ABCA2: variants seen among roughly 807,000 people sequenced by gnomAD.
The protein encoded by ABCA2 is ATP-binding cassette sub-family A member 2.
A neutral mutation model predicts 262.8 loss-of-function variants in ABCA2; 84 were observed. The observed-to-expected ratio is 0.32, with a 90% CI of 0.27 to 0.38. ABCA2 has a LOEUF of 0.38. Among genes scored for constraint, ABCA2 ranks in the 10% least tolerant of loss-of-function variants. The pLI is 1.00. For synonymous variants in ABCA2, 1,696 were observed against 1,502.9 expected (o/e 1.13, Z -2.97); for missense variants, 2,662 against 3,405.9 (o/e 0.78, Z 5.44).
In ABCA2 at chr9:137,014,409, C is replaced by A. The variant is rs776541559; in HGVS notation, c.4004-5G>T. On this transcript the variant is annotated splice_polypyrimidine_tract_variant and splice_region_variant and intron_variant, in intron 26 of 48. Coordinates refer to ENST00000341511, the MANE Select transcript of ABCA2 (RefSeq NM_001606.5). The stretch of plus-strand genomic sequence containing the variant: ...CCTTCCTGGACTCCTTCACATCTGC[C>A]GCAGTGGAAGGGCCGAGGGGACACT... 5.7e-6 allele frequency: 9 copies of A among 1,583,098 alleles called. 1 individual carries two copies. In the South Asian group the frequency reaches 1.0e-4, roughly 18 times the overall value.
chr9:137,022,581 C>G, intron 5 of ABCA2, 103 bp from the exon 6 acceptor site: 3 of 1,557,706 alleles, frequency 1.9e-6, no homozygotes, highest in Non-Finnish European at 8.7e-7. Context: ...GCCACTGCAG[C>G]CTGTGCGTGG....
At chr9:137,009,727 G>A (rs201527414) in intron 43 of ABCA2, 42 bp downstream of exon 43, 1 of 1,609,088 alleles carries the variant, frequency 6.2e-7, no homozygotes. Flanking sequence ...TCACCAGGAA[G>A]TCAAAGGCCA....
chr9:137,011,102 T>C lies in ABCA2; in HGVS notation c.5927A>G (p.Gln1976Arg), dbSNP rs1831024527. 2.5e-6 allele frequency: 4 copies of C among 1,611,906 alleles called. No homozygotes were observed. The highest frequency in any genetic ancestry group is 3.4e-6 in the Non-Finnish European group (4 of 1,179,664). Residue 1976 changes from glutamine to arginine, a missense_variant, in exon 39 of 49, where the codon CAG becomes CGG. Gln to Arg is a conservative substitution (Grantham distance 43). Around this residue, in one of 12 missense-constraint regions of ABCA2, gnomAD observed 602 missense variants for 897.4 expected, o/e 0.67. Coordinates refer to ENST00000341511, the MANE Select transcript of ABCA2 (RefSeq NM_001606.5). This position sits in a 1 kb window ranked among gnomAD's most constrained non-coding sequence, Gnocchi z 8.8. ...GAACGGGGACTTCATCTTGTCAAAC[T>C]GGCCTGCGGGGAGACAGCTCAGGGC... ...YINEYYAKIG[Q>R]FDKMKSPFEW... is the part of the protein sequence containing the mutation.
chr9:137,013,971 C>A lies in ABCA2; in HGVS notation c.4308G>T (p.Lys1436Asn). 1 of 1,612,282 alleles carries A rather than the reference C, an allele frequency of 6.2e-7. No individual in the cohort carries two copies. The highest frequency in any genetic ancestry group is 8.5e-7 in the Non-Finnish European group (1 of 1,179,902). ...GSRKLDGGWL[K>N]VRQFHGLLVK... ...CCAGCAGCCCGTGGAACTGGCGCACCTTCAGCCACCCGCCGTCCAGCTTGC... is the reference window on the plus strand; with the variant it reads ...CCAGCAGCCCGTGGAACTGGCGCACATTCAGCCACCCGCCGTCCAGCTTGC... The change falls in exon 28 of 49, where the codon AAG (lysine) becomes AAT (asparagine). Residue 1436 changes from lysine (K) to asparagine (N), a missense_variant. This residue lies in a region of ABCA2 where 75 missense variants were observed against 118.3 expected (regional missense o/e 0.63). Transcript: ENST00000341511.
In ABCA2 at chr9:137,019,056, C is replaced by T. The variant is rs1262390935; in HGVS notation, c.1569G>A (p.Leu523=). The change falls in exon 12 of 49, where the codon CTG becomes CTA. Residue 523 remains leucine, a synonymous_variant. Coordinates refer to ENST00000341511, the MANE Select transcript of ABCA2 (RefSeq NM_001606.5). This position sits in a 1 kb window ranked among gnomAD's most constrained non-coding sequence, Gnocchi z 4.4. The part of the protein sequence containing the change: ...LRWLQQYVAE[L]RLHPEALNLS... ...GGTTCAGTGCCTCGGGGTGCAGCCG[C>T]AGCTCTGCTACATACTTGGGGTGGA... 1 of 1,611,430 alleles carries T rather than the reference C, an allele frequency of 6.2e-7. No homozygotes were observed. The highest frequency in any genetic ancestry group is 1.1e-5 in the South Asian group (1 of 91,016).
rs762992649 is a variant in ABCA2, at chr9:137,012,531, C to T, written c.5141G>A (p.Arg1714Lys). Residue 1714 changes from arginine to lysine, a missense_variant, in exon 32 of 49, where the codon AGG (arginine) becomes AAG (lysine). Transcript: ENST00000341511. The stretch of plus-strand genomic sequence containing the variant: ...GATCTTCCGCACCATGGGTGGGGCC[C>T]TGGTGCCAAATGAGGCTGGGATGGA... ...LKSIPASFGT[R>K]APPMVRKIAV... 3 of 1,612,126 alleles carry T rather than the reference C, an allele frequency of 1.9e-6. No homozygotes were observed. The highest frequency in any genetic ancestry group is 1.3e-5 in the African/African-American group (1 of 75,054).
In ABCA2 at chr9:137,017,184, C is replaced by T. The variant is rs201121780; in HGVS notation, c.2553+12G>A. 164 of 1,611,928 alleles carry T rather than the reference C, an allele frequency of 1.0e-4. No homozygotes were observed. The highest frequency in any genetic ancestry group is 1.6e-4 in the African/African-American group (12 of 74,882). On this transcript the variant is annotated intron_variant, in intron 18 of 48. Coordinates refer to ENST00000341511, the MANE Select transcript of ABCA2 (RefSeq NM_001606.5). ...CCGGCACCCCAGCCGCCCGCCTGCC[C>T]GCGACCCTCACCGCGATGCACTTCT...
At chr9:137,009,283 C>T (rs1283374213) in intron 45 of ABCA2, 87 bp downstream of exon 45, 29 of 1,271,938 alleles carry the variant, frequency 2.3e-5, no homozygotes, top group Non-Finnish European at 6.4e-6. Context: ...CCCTCACAGC[C>T]CTGCAGCCAC....
Position 137,012,262 on chromosome 9 carries a change from C to G in ABCA2, c.5299+3G>C. ...CCGCCCCGCCCTGCCTATGTCAGCT[C>G]ACCGTAAGCCGCCGGGTTGCCCTTG... On this transcript the variant is annotated splice_donor_region_variant and intron_variant, in intron 33 of 48. Transcript: ENST00000341511. 1 of 1,592,678 alleles carries G rather than the reference C, an allele frequency of 6.3e-7. No individual in the cohort carries two copies. The highest frequency in any genetic ancestry group is 1.1e-5 in the South Asian group (1 of 90,304).
At chr9:137,024,645 G>A (rs985590759) in intron 1 of ABCA2, among the ~76,000 whole-genome samples, 3 of 152,284 alleles carry the variant, frequency 2.0e-5, no homozygotes, top group East Asian at 1.9e-4. Flanking sequence ...CACTGCCCCG[G>A]GTTCACCTTC....
chr9:137,023,962 A>C (rs1831565981), intron 2 of ABCA2, 122 bp from the exon 3 acceptor site: 1 of 1,517,222 alleles, frequency 6.6e-7, no homozygotes, highest in South Asian at 1.2e-5. Flanking sequence ...TCGCGGCCAC[A>C]GGCCAGCCCC....
rs191915087 is a variant in ABCA2 at position 137,026,617 on chromosome 9, G to A, written c.66+1458C>T. ...TCCTGGGGGGCAGCCCAAACCAGCA[G>A]CTGGGAGTCACTCTTGCGGTCAGGA... is the stretch of plus-strand genomic sequence containing the variant. On this transcript the variant is annotated intron_variant, in intron 1 of 48. Coordinates refer to ENST00000341511, the MANE Select transcript of ABCA2 (RefSeq NM_001606.5). 1.5e-3 allele frequency among the ~76,000 whole-genome samples: 226 copies of A among 152,292 alleles called. 7 individuals are homozygous for A. The East Asian group carries it at 0.034, about 23-fold the overall frequency.
chr9:137,025,145 T>C (rs1831610771), intron 1 of ABCA2, among the ~76,000 whole-genome samples: 1 of 152,124 alleles, frequency 6.6e-6, no homozygotes, highest in Non-Finnish European at 1.5e-5. Flanking sequence ...GAGCTCAGTT[T>C]CCCCAGGTCG....
chr9:137,015,468 C>T lies in ABCA2; in HGVS notation c.3643G>A (p.Asp1215Asn), dbSNP rs756581152. 8 of 1,598,110 alleles carry T rather than the reference C, an allele frequency of 5.0e-6. No homozygotes were observed. Among genetic ancestry groups the T allele is most frequent in the Non-Finnish European group, 6.0e-6 (7 of 1,173,796 alleles). The part of the protein sequence containing the change: ...SPLFLKGTYG[D>N]GYRLTLVKRP... ...TTGACCAGCGTGAGGCGGTACCCGTCGCCATAGGTGCCCTTGAGGAAGAGC... is the reference window on the plus strand; with the variant it reads ...TTGACCAGCGTGAGGCGGTACCCGTTGCCATAGGTGCCCTTGAGGAAGAGC... Residue 1215 changes from aspartate to asparagine, a missense_variant, in exon 24 of 49, where the codon GAC becomes AAC. Around this residue, in one of 12 missense-constraint regions of ABCA2, gnomAD observed 180 missense variants for 307.3 expected, o/e 0.59. Coordinates refer to ENST00000341511, the MANE Select transcript of ABCA2 (RefSeq NM_001606.5).
At chr9:137,010,154 G>A (rs766492404) in intron 41 of ABCA2, 30 bp from the exon 42 acceptor site, 7 of 1,591,988 alleles carry the variant, frequency 4.4e-6, no homozygotes, top group Admixed American at 1.7e-5. Flanking sequence ...CAGCGCGTGA[G>A]GACGCGGCGG....
Position 137,019,340 on chromosome 9 carries a change from G to C in ABCA2, c.1426-34C>G. Reference sequence around the variant, plus strand: ...GGTGAGGCAGGGGCATGGAGTTTCTGGACGGACCCCCACCGACTTGGGGGC... The same window carrying C: ...GGTGAGGCAGGGGCATGGAGTTTCTCGACGGACCCCCACCGACTTGGGGGC... On this transcript the variant is annotated intron_variant, in intron 10 of 48. Transcript: ENST00000341511. This position sits in a 1 kb window ranked among gnomAD's most constrained non-coding sequence, Gnocchi z 4.4. 1.9e-6 allele frequency: 3 copies of C among 1,606,638 alleles called. No individual in the cohort carries two copies. The highest frequency in any genetic ancestry group is 1.7e-4 in the Middle Eastern group (1 of 6,030).
At chr9:137,014,570 C>A in intron 26 of ABCA2, 120 bp downstream of exon 26, 1 of 1,484,362 alleles carries the variant, frequency 6.7e-7, no homozygotes, top group Non-Finnish European at 9.0e-7. Flanking sequence ...CCCGGGGCGT[C>A]CCCTGGCTTC....
chr9:137,015,193 G>A (rs1439278986), intron 24 of ABCA2, 96 bp from the exon 25 acceptor site: 30 of 1,386,760 alleles, frequency 2.2e-5, no homozygotes, highest in Admixed American at 9.7e-5. Flanking sequence ...GGGCATTGGA[G>A]AGGAAGAACC....
In ABCA2 at chr9:137,009,799, G is replaced by A. The variant is rs1295788340; in HGVS notation, c.6600C>T (p.Ala2200=). The A allele has an allele frequency of 1.2e-6, 2 of 1,612,402 alleles. No individual in the cohort carries two copies. The highest frequency in any genetic ancestry group is 2.2e-5 in the South Asian group (2 of 91,042). Reference sequence around the variant, plus strand: ...AGATGAAGGCTGGGTACCCAATGAGGGCGATGGCCGTGGAGAGCTTCCGCT... The same window carrying A: ...AGATGAAGGCTGGGTACCCAATGAGAGCGATGGCCGTGGAGAGCTTCCGCT... ...GNKRKLSTAI[A]LIGYPAFIFL... is the part of the protein sequence containing the mutation. Residue 2200 remains alanine, a synonymous_variant, in exon 43 of 49, where the codon GCC becomes GCT. Transcript: ENST00000341511.
Sources: allele counts gnomAD v4.1 joint callset (sites outside exome capture counted in the v4.1 genomes callset), GRCh38; gene constraint gnomAD v4.1.1; regional missense constraint gnomAD v4.1.1; non-coding constraint Gnocchi (gnomAD v3.1); transcripts MANE v1.5; gene names NCBI Gene and HGNC (gene_info 2026-07-23, HGNC 2026-07-21).